The following MTR variants were observed in gnomAD, a reference collection of about 807,000 sequenced individuals.
MTR encodes the protein 5-methyltetrahydrofolate-homocysteine methyltransferase.
A neutral mutation model predicts 154.8 loss-of-function variants in MTR; 84 were observed. The observed-to-expected ratio is 0.54, with a 90% CI of 0.45 to 0.65. The LOEUF (loss-of-function observed/expected upper bound fraction) is 0.65. Ranked by LOEUF, MTR falls within the 30% of genes least tolerant of loss-of-function variation. The pLI, the probability that MTR is intolerant of heterozygous loss-of-function variation, is 0.00. For synonymous variants in MTR, 554 were observed against 553.9 expected (o/e 1.00, Z 0.00); for missense variants, 1,275 against 1,570.2 (o/e 0.81, Z 3.18).
intron 22 of MTR, among the ~76,000 whole-genome samples, chr1:236,866,267 A>T (rs558714414): frequency 6.4e-4 from 98 of 152,274 alleles, no homozygotes; most frequent in African/African-American, 2.2e-3. Context: ...ACAATATTTC[A>T]AACCTTATTA....
chr1:236,826,248 T>C (rs1458684738), intron 10 of MTR, among the ~76,000 whole-genome samples: 1 of 152,230 alleles, frequency 6.6e-6, no homozygotes, highest in African/African-American at 2.4e-5. Context: ...CAGCTCAGCA[T>C]GTGGGTAAAA....
In MTR at chr1:236,795,474, G is replaced by C; in HGVS notation, c.-230G>C. 4.6e-6 allele frequency: 7 copies of C among 1,510,386 alleles called. No homozygotes were observed. The highest frequency in any genetic ancestry group is 6.2e-6 in the Non-Finnish European group (7 of 1,130,144). The allele number at this position is 1,510,386 out of a possible 1,614,324, so 93.6% of individuals were successfully genotyped here. On this transcript the variant is annotated 5_prime_UTR_variant, in exon 1 of 33. Transcript: ENST00000366577. ...GACTGGCCGGGTACCCGGGAAGAAAGCACGTGCTCCAGCAGTTGCCGCGCC... is the reference window on the plus strand; with the variant it reads ...GACTGGCCGGGTACCCGGGAAGAAACCACGTGCTCCAGCAGTTGCCGCGCC...
intron 8 of MTR, 24 bp from the exon 9 acceptor site, chr1:236,824,095 A>C (rs370644159): frequency 3.2e-6 from 5 of 1,567,444 alleles, no homozygotes; most frequent in Non-Finnish European, 4.4e-6. Context: ...TGATGCTTTT[A>C]ATATGTTTTT....
At chr1:236,819,609 C>G (rs574401973) in intron 8 of MTR, 1 of 462,074 alleles carries the variant, frequency 2.2e-6, no homozygotes, top group African/African-American at 2.0e-5. Context: ...TCTGGATTCC[C>G]ATGTAACTTA....
chr1:236,847,432 G>C (rs4659729), intron 15 of MTR, among the ~76,000 whole-genome samples: 66,402 of 151,998 alleles, frequency 0.44, 14,695 homozygotes, highest in East Asian at 0.49. Context: ...TTGCATTACT[G>C]CCTGAGTGTG....
intron 22 of MTR, among the ~76,000 whole-genome samples, chr1:236,869,647 GGAAACT>G (rs1274713538): frequency 6.6e-6 from 1 of 152,226 alleles, no homozygotes; most frequent in African/African-American, 2.4e-5. Context: ...AATGACAAAG[GGAAACT>G]GAGGGAGAGT....
intron 32 of MTR, 102 bp from the exon 33 acceptor site, chr1:236,897,456 A>C: frequency 8.8e-7 from 1 of 1,131,154 alleles, no homozygotes. Context: ...TATTAAGACA[A>C]GAAATGCAAG....
chr1:236,806,115 A>T, intron 2 of MTR, 29 bp from the exon 3 acceptor site: 1 of 1,586,720 alleles, frequency 6.3e-7, no homozygotes, highest in Non-Finnish European at 8.7e-7. Context: ...TCTAAAGCTC[A>T]TAATTGACAT....
chr1:236,864,682 C>T (rs1664732720), intron 22 of MTR, among the ~76,000 whole-genome samples: 2 of 152,158 alleles, frequency 1.3e-5, no homozygotes, highest in Admixed American at 1.3e-4. Context: ...ATAAGGTGTT[C>T]GCTTCCTAAA....
chr1:236,873,842 T>C lies in MTR; in HGVS notation c.2473+2T>C. The C allele has an allele frequency of 6.2e-7, 1 of 1,613,630 alleles. No homozygotes were observed. Among genetic ancestry groups the C allele is most frequent in the Non-Finnish European group, 8.5e-7 (1 of 1,179,540 alleles). ...AAGCTGCTCTTGACCACAAAGCAGG[T>C]ACTGTGCAACTATACTTTGGGCATT... On this transcript the variant is annotated splice_donor_variant, in intron 23 of 32. Coordinates refer to ENST00000366577, the MANE Select transcript of MTR (RefSeq NM_000254.3). LOFTEE classifies it high-confidence loss of function.
rs1665811998 is a variant in MTR at position 236,882,672 on chromosome 1, C to T, written c.2676+1836C>T. On this transcript the variant is annotated intron_variant, in intron 25 of 32. Coordinates refer to ENST00000366577, the MANE Select transcript of MTR (RefSeq NM_000254.3). ...CTTCCCAAAGTGCTGGGATTACAGG[C>T]GTGAGCCACTGTGCCCGGCCTCCTT... 2.6e-5 allele frequency among the ~76,000 whole-genome samples: 4 copies of T among 152,160 alleles called. 1 individual carries two copies. In the South Asian group the frequency reaches 6.2e-4, roughly 24 times the overall value.
At chr1:236,820,849 A>G (rs1890514) in intron 8 of MTR, among the ~76,000 whole-genome samples, 11,066 of 152,226 alleles carry the variant, frequency 0.073, 787 homozygotes, top group African/African-American at 0.19. Context: ...TAGCCATTCT[A>G]ATAGGTGTAT....
At chr1:236,822,110 T>C (rs1046574371) in intron 8 of MTR, among the ~76,000 whole-genome samples, 11 of 152,164 alleles carry the variant, frequency 7.2e-5, no homozygotes, top group African/African-American at 2.7e-4. Context: ...GGGATTTTCA[T>C]TGGGATTCTG....
intron 24 of MTR, 35 bp from the exon 25 acceptor site, chr1:236,880,720 G>C: frequency 6.5e-7 from 1 of 1,532,854 alleles, no homozygotes; most frequent in Non-Finnish European, 9.0e-7. Flanking sequence ...TGTCAGTGCT[G>C]ATGGATATAT....
rs975336983 is a variant in MTR at position 236,898,782 on chromosome 1, T to A, written c.*1138T>A. 6.6e-6 allele frequency: 1 copy of A among 151,972 alleles called. No homozygotes were observed. Among genetic ancestry groups the A allele is most frequent in the Non-Finnish European group, 1.5e-5 (1 of 68,012 alleles). The allele number at this position is 151,972 out of a possible 1,614,324, so 9.4% of individuals were successfully genotyped here. ...CTGGGCTCTGATATCCCGTGCGGAG[T>A]TGGACAAGTGGGCAGCATAAAGTCA... On this transcript the variant is annotated 3_prime_UTR_variant, in exon 33 of 33. Coordinates refer to ENST00000366577, the MANE Select transcript of MTR (RefSeq NM_000254.3).
intron 18 of MTR, among the ~76,000 whole-genome samples, chr1:236,857,803 C>T (rs1451729598): frequency 1.3e-5 from 2 of 152,042 alleles, no homozygotes; most frequent in East Asian, 3.9e-4. Context: ...AGATTCTGAC[C>T]CCAAACTAGA....
intron 22 of MTR, among the ~76,000 whole-genome samples, chr1:236,868,888 G>A (rs1384539688): frequency 6.6e-5 from 10 of 152,194 alleles, no homozygotes; most frequent in African/African-American, 2.4e-4. Context: ...AACTTCACAT[G>A]CTGATAATTA....
intron 22 of MTR, among the ~76,000 whole-genome samples, chr1:236,869,971 T>C (rs1665035491): frequency 1.3e-5 from 2 of 152,316 alleles, no homozygotes; most frequent in South Asian, 4.1e-4. Context: ...TAGTACACTG[T>C]AAATGCTTTC....
intron 22 of MTR, among the ~76,000 whole-genome samples, chr1:236,869,197 T>G (rs2103343824): frequency 6.6e-6 from 1 of 152,354 alleles, no homozygotes; most frequent in South Asian, 2.1e-4. Flanking sequence ...AAATTTCTTC[T>G]GGAGACGAAA....
Sources: gnomAD v4.1 joint callset for allele counts (sites outside exome capture counted in the v4.1 genomes callset) on GRCh38, gnomAD v4.1.1 for gene constraint, MANE v1.5 for transcripts, NCBI Gene and HGNC (gene_info 2026-07-23, HGNC 2026-07-21) for gene names.